Variants in PLAGL1 observed in about 807,000 individuals in gnomAD.
PLAGL1 encodes zinc finger protein PLAGL1.
PLAGL1 carries 1 observed loss-of-function variant against 4.6 expected under a neutral mutation model. The ratio of observed to expected loss-of-function variants is 0.22; its 90% confidence interval spans 0.08 to 1.03. PLAGL1 has a LOEUF of 1.03. Ranked by LOEUF, PLAGL1 falls within the 50% of genes least tolerant of loss-of-function variation. PLAGL1 has a pLI of 0.58. For synonymous variants in PLAGL1, 240 were observed against 237.8 expected, an observed-to-expected ratio of 1.01 and a Z score of -0.08; for missense variants, 464 against 570.4, an observed-to-expected ratio of 0.81 and a Z score of 1.90.
chr6:144,025,407 A>G (rs758657956), intron 1 of PLAGL1, among the ~76,000 whole-genome samples: 4 of 152,236 alleles, frequency 2.6e-5, no homozygotes, highest in Non-Finnish European at 2.9e-5. Flanking sequence ...GAATCCATCC[A>G]AAGTATGAGG....
rs1370007078 is a variant in PLAGL1 at position 144,036,704 on chromosome 6, G to C, written c.-151+27764C>G. On this transcript the variant is annotated intron_variant, in intron 1 of 3. Transcript: ENST00000437412. This position sits in a 1 kb window ranked among gnomAD's most constrained non-coding sequence, Gnocchi z 5.1. ...CACTACTCAGGGACGAAAGAAAGAG[G>C]AAAGAATGGAAAAAGTGAAACTACA... 3.7e-6 allele frequency: 1 copy of C among 272,348 alleles called. No individual in the cohort carries two copies. Among genetic ancestry groups the C allele is most frequent in the Non-Finnish European group, 7.0e-6 (1 of 142,236 alleles). The allele number at this position is 272,348 out of a possible 1,614,324, so 16.9% of individuals were successfully genotyped here.
At position 143,964,278 on chromosome 6, in the gene PLAGL1, G is replaced by C. The variant is rs1321471295; in HGVS notation, c.-399+509C>G. Among the ~76,000 whole-genome samples the C allele has an allele frequency of 1.3e-5, 2 of 152,124 alleles. No homozygotes were observed. Among genetic ancestry groups the C allele is most frequent in the Non-Finnish European group, 2.9e-5 (2 of 68,022 alleles). On this transcript the variant is annotated intron_variant, in intron 5 of 7. Transcript: ENST00000674357. This position sits in a 1 kb window ranked among gnomAD's most constrained non-coding sequence, Gnocchi z 4.3. ...GCGGCCCTGGGGCAGACAGCTACAA[G>C]GATTCAATAAATCACTACTTTGATA...
At chr6:143,976,129 A>G (rs1786471006) in intron 2 of PLAGL1, among the ~76,000 whole-genome samples, 1 of 151,984 alleles carries the variant, frequency 6.6e-6, no homozygotes, top group African/African-American at 2.4e-5. Context: ...ATGCCACAGT[A>G]CAGAGTGTAC....
At chr6:143,976,764 A>G (rs992851768) in intron 2 of PLAGL1, among the ~76,000 whole-genome samples, 16 of 152,142 alleles carry the variant, frequency 1.1e-4, no homozygotes, top group Non-Finnish European at 1.9e-4. Flanking sequence ...CCCTAATTCT[A>G]TCTTCTCTCA....
At chr6:144,002,092 C>G (rs1793027042) in intron 1 of PLAGL1, among the ~76,000 whole-genome samples, 1 of 152,120 alleles carries the variant, frequency 6.6e-6, no homozygotes, top group South Asian at 2.1e-4. Flanking sequence ...AACTTTGGTA[C>G]TTTACAAGGG....
chr6:144,014,333 G>A (rs1795417620), intron 1 of PLAGL1, among the ~76,000 whole-genome samples: 1 of 152,074 alleles, frequency 6.6e-6, no homozygotes, highest in Non-Finnish European at 1.5e-5. Context: ...AGGAGGCTAA[G>A]GCAGGAGAAT....
At chr6:144,002,480 A>G (rs1793119972) in intron 1 of PLAGL1, among the ~76,000 whole-genome samples, 1 of 152,174 alleles carries the variant, frequency 6.6e-6, no homozygotes, top group Non-Finnish European at 1.5e-5. Context: ...GCATATTTAA[A>G]CCATTTTTTT....
Position 143,952,307 on chromosome 6 carries a change from C to T in PLAGL1, c.-324-3847G>A, listed in dbSNP as rs985838792. On this transcript the variant is annotated intron_variant, in intron 6 of 7. Transcript: ENST00000674357. The surrounding 1 kb of genome is among the most constrained non-coding windows in gnomAD (Gnocchi z 6.1). ...AACGATCCTAACAGAACTTACAGAG[C>T]AATGGTCCTGATGCGAGTCATTCTG... Among the ~76,000 whole-genome samples the T allele has an allele frequency of 5.3e-5, 8 of 152,178 alleles. No individual in the cohort carries two copies. The highest frequency in any genetic ancestry group is 1.0e-4 in the Non-Finnish European group (7 of 68,030).
chr6:144,003,017 C>A (rs1310226308), intron 1 of PLAGL1, among the ~76,000 whole-genome samples: 1 of 151,458 alleles, frequency 6.6e-6, no homozygotes, highest in Non-Finnish European at 1.5e-5. Context: ...TCAAGACTTA[C>A]CATAAACTAC....
At chr6:144,008,378 C>T (rs1033042003), upstream of PLAGL1, 6 of 151,878 alleles carry the variant, frequency 4.0e-5, no homozygotes, top group African/African-American at 1.2e-4. The surrounding 1 kb of genome is among the most constrained non-coding windows in gnomAD (Gnocchi z 6.9). Flanking sequence ...ATGGCTGCGC[C>T]GAGGAGGCCG....
chr6:143,956,380 C>G (rs182379722), intron 6 of PLAGL1, among the ~76,000 whole-genome samples: 17 of 152,172 alleles, frequency 1.1e-4, no homozygotes, highest in Non-Finnish European at 2.1e-4. Context: ...ACAGAAGCAG[C>G]CTTCTGCCTC....
upstream of PLAGL1, among the ~76,000 whole-genome samples, chr6:144,010,297 A>G (rs1795074640): frequency 6.6e-6 from 1 of 152,216 alleles, no homozygotes; most frequent in Admixed American, 6.5e-5. This position sits in a 1 kb window ranked among gnomAD's most constrained non-coding sequence, Gnocchi z 4.1. Flanking sequence ...AAGCATTCCT[A>G]TACCCCAATA....
rs1337848261 is a variant in PLAGL1, at chr6:144,004,059, A to T, written c.-584+4031T>A. Among the ~76,000 whole-genome samples the T allele has an allele frequency of 6.6e-6, 1 of 152,256 alleles. No homozygotes were observed. ...ATATATCCACATAATGTAATACCGTAGAAGAGGTGTCAATAAATTTTTTTC... is the reference window on the plus strand; with the variant it reads ...ATATATCCACATAATGTAATACCGTTGAAGAGGTGTCAATAAATTTTTTTC... On this transcript the variant is annotated intron_variant, in intron 1 of 7. Transcript: ENST00000674357. This position sits in a 1 kb window ranked among gnomAD's most constrained non-coding sequence, Gnocchi z 4.2.
intron 7 of PLAGL1, among the ~76,000 whole-genome samples, chr6:143,946,146 T>C (rs1779732127): frequency 6.6e-6 from 1 of 152,250 alleles, no homozygotes; most frequent in African/African-American, 2.4e-5. Context: ...GCCTTCGGTA[T>C]ACACAGGTTT....
rs185072045 is a variant in PLAGL1, at chr6:144,016,455, C to T, written c.-150-47477G>A. Among the ~76,000 whole-genome samples the T allele has an allele frequency of 1.3e-5, 2 of 152,336 alleles. No individual in the cohort carries two copies. Among genetic ancestry groups the T allele is most frequent in the East Asian group, 1.9e-4 (1 of 5,188 alleles). ...TCTTTTGGTAACACTCTCACAGACA[C>T]ACCTAGGATCAATACTTTGTATCTT... On this transcript the variant is annotated intron_variant, in intron 1 of 3. Transcript: ENST00000437412. This position sits in a 1 kb window ranked among gnomAD's most constrained non-coding sequence, Gnocchi z 4.2.
In PLAGL1 at chr6:143,985,792, A is replaced by C. The variant is rs969898119; in HGVS notation, c.-583-618T>G. 6.6e-6 allele frequency among the ~76,000 whole-genome samples: 1 copy of C among 151,434 alleles called. No homozygotes were observed. Among genetic ancestry groups the C allele is most frequent in the African/African-American group, 2.4e-5 (1 of 41,226 alleles). ...AAAATCAAAACGCAAAAAGTAAGGG[A>C]GTCAGAAATGTTGTCTGCACTCACA... On this transcript the variant is annotated intron_variant, in intron 1 of 7. Transcript: ENST00000674357. This position sits in a 1 kb window ranked among gnomAD's most constrained non-coding sequence, Gnocchi z 4.4.
intron 1 of PLAGL1, among the ~76,000 whole-genome samples, chr6:144,047,946 C>A (rs1170569641): frequency 6.6e-6 from 1 of 152,052 alleles, no homozygotes; most frequent in Non-Finnish European, 1.5e-5. Context: ...AAATCAAAAC[C>A]AAGTTAGCTA....
rs1054205121 is a variant in PLAGL1 at position 144,027,530 on chromosome 6, A to G, written c.-151+36938T>C. 1.3e-5 allele frequency among the ~76,000 whole-genome samples: 2 copies of G among 152,190 alleles called. No homozygotes were observed. The highest frequency in any genetic ancestry group is 2.4e-5 in the African/African-American group (1 of 41,448). On this transcript the variant is annotated intron_variant, in intron 1 of 3. Coordinates refer to the PLAGL1 transcript ENST00000437412. The surrounding 1 kb of genome is among the most constrained non-coding windows in gnomAD (Gnocchi z 5.8). ...AGGGAGTAGAACAAAAACAGCCAAT[A>G]TAACAACACTAACCTCCACCTCCCA...
upstream of PLAGL1, among the ~76,000 whole-genome samples, chr6:144,011,918 G>A (rs1215860151): frequency 6.6e-6 from 1 of 152,178 alleles, no homozygotes; most frequent in Non-Finnish European, 1.5e-5. The surrounding 1 kb of genome is among the most constrained non-coding windows in gnomAD (Gnocchi z 4.3). Flanking sequence ...TCCAACAGTG[G>A]TATGCAAAGG....
Sources: gnomAD v4.1 joint callset for allele counts (sites outside exome capture counted in the v4.1 genomes callset) on GRCh38, gnomAD v4.1.1 for gene constraint, Gnocchi (gnomAD v3.1) non-coding constraint, MANE v1.5 for transcripts, NCBI Gene and HGNC (gene_info 2026-07-23, HGNC 2026-07-21) for gene names.